The following SLC24A2 variants were observed in gnomAD, a reference collection of about 807,000 sequenced individuals.
The protein encoded by SLC24A2 is sodium/potassium/calcium exchanger 2.
Under a neutral mutation model 62.0 loss-of-function variants are expected in SLC24A2, and 36 were observed. The ratio of observed to expected loss-of-function variants is 0.58; its 90% CI spans 0.44 to 0.77. The LOEUF (loss-of-function observed/expected upper bound fraction) is 0.77, where lower values mean the gene tolerates loss of function less well. Among genes scored for constraint, SLC24A2 ranks in the 30% least tolerant of loss-of-function variants. The pLI, the probability that SLC24A2 is intolerant of heterozygous loss-of-function variation, is 0.00. For missense variants in SLC24A2, 846 were observed against 817.9 expected, an observed-to-expected ratio of 1.03 and a Z score of -0.42; for synonymous variants, 358 against 294.0, an observed-to-expected ratio of 1.22 and a Z score of -2.23.
intron 2 of SLC24A2, among the ~76,000 whole-genome samples, chr9:19,698,380 A>G (rs1168164527): frequency 6.6e-6 from 1 of 152,222 alleles, no homozygotes; most frequent in Non-Finnish European, 1.5e-5. Flanking sequence ...ACCTATCATT[A>G]TATATGTATA....
chr9:19,781,252 C>T (rs2031740), intron 2 of SLC24A2, among the ~76,000 whole-genome samples: 65,623 of 151,534 alleles, frequency 0.43, 14,948 homozygotes, highest in Admixed American at 0.52. Context: ...TAGCTTAACA[C>T]ACGATCCCAT....
At chr9:19,798,278 T>C in the SLC24A2 span, among the ~76,000 whole-genome samples, 4 of 152,202 alleles carry the variant, frequency 2.6e-5, no homozygotes, top group Non-Finnish European at 5.9e-5. Flanking sequence ...GTTAGTAGTA[T>C]TGATTTGTTG....
chr9:19,901,872 G>T, the SLC24A2 span, among the ~76,000 whole-genome samples: 18 of 152,230 alleles, frequency 1.2e-4, no homozygotes, highest in African/African-American at 4.1e-4. Context: ...GGGGACTGAG[G>T]TGGTGTTGGT....
At chr9:20,101,501 T>C in the SLC24A2 span, among the ~76,000 whole-genome samples, 845 of 152,318 alleles carry the variant, frequency 5.5e-3, 28 homozygotes, top group East Asian at 0.077. Context: ...TATTAATATA[T>C]AGACATTAAT....
chr9:20,108,443 C>T, the SLC24A2 span, among the ~76,000 whole-genome samples: 2 of 152,130 alleles, frequency 1.3e-5, no homozygotes, highest in Non-Finnish European at 2.9e-5. Flanking sequence ...GACTTGGAAC[C>T]AACCCAAATG....
At chr9:19,860,263 A>C in the SLC24A2 span, among the ~76,000 whole-genome samples, 1 of 152,218 alleles carries the variant, frequency 6.6e-6, no homozygotes, top group Non-Finnish European at 1.5e-5. Context: ...GTTCAGCCAC[A>C]GCAGGATAAG....
At chr9:20,272,225 A>G in the SLC24A2 span, among the ~76,000 whole-genome samples, 8 of 152,342 alleles carry the variant, frequency 5.3e-5, no homozygotes, top group South Asian at 1.0e-3. Context: ...TAGAAAATGA[A>G]GTCCTTTTTG....
At chr9:20,089,528 AG>A in the SLC24A2 span, among the ~76,000 whole-genome samples, 1 of 152,052 alleles carries the variant, frequency 6.6e-6, no homozygotes, top group Non-Finnish European at 1.5e-5. Flanking sequence ...AGAGGAGTCT[AG>A]CCCCTCTTCC....
chr9:19,553,759 C>T (rs1249812182), intron 7 of SLC24A2, among the ~76,000 whole-genome samples: 1 of 152,176 alleles, frequency 6.6e-6, no homozygotes, highest in Non-Finnish European at 1.5e-5. Context: ...GCATTTAATT[C>T]TAGGACTCCT....
the SLC24A2 span, among the ~76,000 whole-genome samples, chr9:20,267,952 C>T: frequency 6.6e-6 from 1 of 152,076 alleles, no homozygotes; most frequent in Non-Finnish European, 1.5e-5. Flanking sequence ...TACCTTTAAC[C>T]TCCCCATCCC....
At chr9:20,032,265 T>C in the SLC24A2 span, among the ~76,000 whole-genome samples, 2 of 152,316 alleles carry the variant, frequency 1.3e-5, 1 homozygote, top group African/African-American at 4.8e-5. Context: ...GTTACAATGA[T>C]TGCACGTCTT....
the SLC24A2 span, among the ~76,000 whole-genome samples, chr9:20,039,011 A>T: frequency 1.3e-5 from 2 of 152,248 alleles, 1 homozygote. Flanking sequence ...ATAATATAAA[A>T]TGTCACAGAA....
chr9:20,232,573 G>C, the SLC24A2 span, among the ~76,000 whole-genome samples: 1 of 152,148 alleles, frequency 6.6e-6, no homozygotes. Flanking sequence ...TGTGGGATCG[G>C]TAGTGATATC....
the SLC24A2 span, among the ~76,000 whole-genome samples, chr9:20,153,101 AC>A: frequency 8.6e-5 from 13 of 151,926 alleles, no homozygotes; most frequent in African/African-American, 3.1e-4. Flanking sequence ...AAAGAAATAA[AC>A]AAAAATTACC....
At chr9:19,570,746 G>T (rs1384017301) in intron 7 of SLC24A2, among the ~76,000 whole-genome samples, 2 of 152,182 alleles carry the variant, frequency 1.3e-5, no homozygotes, top group African/African-American at 4.8e-5. Flanking sequence ...GCACTTCACA[G>T]ATGAGGCAAC....
the SLC24A2 span, among the ~76,000 whole-genome samples, chr9:19,991,763 A>C: frequency 6.6e-6 from 1 of 152,182 alleles, no homozygotes; most frequent in East Asian, 1.9e-4. Context: ...ATATGATGAG[A>C]TTTATTTTTC....
chr9:20,064,271 A>G, the SLC24A2 span, among the ~76,000 whole-genome samples: 196 of 152,338 alleles, frequency 1.3e-3, 1 homozygote, highest in Non-Finnish European at 1.7e-3. Flanking sequence ...AAAAATGCAT[A>G]TTTATAAAGA....
the SLC24A2 span, among the ~76,000 whole-genome samples, chr9:20,273,041 C>T: frequency 3.9e-5 from 6 of 152,170 alleles, no homozygotes; most frequent in African/African-American, 7.2e-5. Context: ...GAGGATCTAC[C>T]GTCAGTGACT....
the SLC24A2 span, among the ~76,000 whole-genome samples, chr9:19,826,003 T>A: frequency 2.0e-5 from 3 of 152,016 alleles, no homozygotes; most frequent in Non-Finnish European, 4.4e-5. Context: ...GTAGTTTCTG[T>A]TAAATATAGA....
Sources: allele counts gnomAD v4.1 joint callset (sites outside exome capture counted in the v4.1 genomes callset), GRCh38; gene constraint gnomAD v4.1.1; transcripts MANE v1.5; gene names NCBI Gene and HGNC (gene_info 2026-07-23, HGNC 2026-07-21).